The following CACNA2D3 variants were observed in gnomAD, a reference collection of about 807,000 sequenced individuals.
CACNA2D3 encodes voltage-dependent calcium channel subunit alpha-2/delta-3.
CACNA2D3 carries 60 observed loss-of-function variants against 160.6 expected under a neutral mutation model. The ratio of observed to expected loss-of-function variants is 0.37; its 90% confidence interval spans 0.30 to 0.46. The LOEUF is 0.46. Ranked by LOEUF, CACNA2D3 falls within the 20% of genes least tolerant of loss-of-function variation. The pLI is 1.00. For missense variants in CACNA2D3, 1,205 were observed against 1,365.0 expected (o/e 0.88, Z 1.85); for synonymous variants, 558 against 492.9 (o/e 1.13, Z -1.75).
chr3:54,408,192 T>C (rs1386740464), intron 4 of CACNA2D3, among the ~76,000 whole-genome samples: 1 of 152,174 alleles, frequency 6.6e-6, no homozygotes, highest in African/African-American at 2.4e-5. Context: ...TCACAGTGCT[T>C]GACAAGGAGA....
At chr3:54,988,360 C>T (rs1702663306) in intron 31 of CACNA2D3, among the ~76,000 whole-genome samples, 1 of 151,644 alleles carries the variant, frequency 6.6e-6, no homozygotes, top group Non-Finnish European at 1.5e-5. Flanking sequence ...AGAGCAGCTT[C>T]CTTATGGCCC....
At chr3:54,842,064 A>G (rs998582322) in intron 16 of CACNA2D3, among the ~76,000 whole-genome samples, 1 of 152,226 alleles carries the variant, frequency 6.6e-6, no homozygotes, top group South Asian at 2.1e-4. Context: ...GCCAAAAACT[A>G]ATGTTGGACT....
intron 4 of CACNA2D3, among the ~76,000 whole-genome samples, chr3:54,489,477 T>C (rs17054055): frequency 0.01 from 1,588 of 152,334 alleles, 29 homozygotes; most frequent in African/African-American, 0.037. Flanking sequence ...AAGGGTAGTT[T>C]TATACAGTTC....
intron 27 of CACNA2D3, chr3:54,925,198 A>G: frequency 1.9e-6 from 3 of 1,612,046 alleles, no homozygotes; most frequent in Non-Finnish European, 2.5e-6. Flanking sequence ...ATCACACTGG[A>G]AAACAGGAGC....
chr3:54,994,153 A>G (rs1283323173), intron 31 of CACNA2D3, among the ~76,000 whole-genome samples: 3 of 151,964 alleles, frequency 2.0e-5, no homozygotes, highest in Non-Finnish European at 2.9e-5. Flanking sequence ...TGACACATCC[A>G]GGTAGAATCC....
chr3:54,733,177 CT>C (rs1290528700), intron 11 of CACNA2D3, among the ~76,000 whole-genome samples: 3 of 152,204 alleles, frequency 2.0e-5, no homozygotes, highest in African/African-American at 7.2e-5. Flanking sequence ...TATCTCGGGA[CT>C]TTTGTTCTGT....
chr3:54,843,552 C>T (rs975102933), intron 16 of CACNA2D3, among the ~76,000 whole-genome samples: 3 of 152,110 alleles, frequency 2.0e-5, no homozygotes, highest in African/African-American at 7.2e-5. Flanking sequence ...GGGGCCAGAC[C>T]CCAGGGAGAC....
intron 17 of CACNA2D3, among the ~76,000 whole-genome samples, chr3:54,868,769 A>G (rs1699460327): frequency 6.6e-6 from 1 of 152,212 alleles, no homozygotes; most frequent in Non-Finnish European, 1.5e-5. Context: ...GGTGACCAGT[A>G]AAATTATTGA....
chr3:54,737,530 G>T (rs1347379083), intron 11 of CACNA2D3, among the ~76,000 whole-genome samples: 1 of 152,152 alleles, frequency 6.6e-6, no homozygotes, highest in Non-Finnish European at 1.5e-5. Flanking sequence ...GAAGAGGGTG[G>T]TTGGGAATTT....
chr3:54,775,622 G>C (rs1702411681), intron 13 of CACNA2D3, among the ~76,000 whole-genome samples: 1 of 152,178 alleles, frequency 6.6e-6, no homozygotes, highest in Admixed American at 6.5e-5. Flanking sequence ...AGTTAGGAAA[G>C]ATGGCTATGG....
chr3:55,073,193 C>G (rs561149783), intron 35 of CACNA2D3, among the ~76,000 whole-genome samples: 1 of 152,152 alleles, frequency 6.6e-6, no homozygotes, highest in Non-Finnish European at 1.5e-5. Context: ...TTTGTACATA[C>G]AGCACTTCAG....
chr3:54,149,300 T>C (rs868793007), intron 2 of CACNA2D3, among the ~76,000 whole-genome samples: 51 of 88,690 alleles, frequency 5.8e-4, no homozygotes, highest in African/African-American at 1.0e-3. Flanking sequence ...CACACACACA[T>C]ATGTGTGGAG....
At chr3:54,662,320 C>T (rs1030009797) in intron 11 of CACNA2D3, among the ~76,000 whole-genome samples, 44 of 152,134 alleles carry the variant, frequency 2.9e-4, no homozygotes, top group Admixed American at 2.9e-3. Context: ...CCTGGACTCG[C>T]CTACCTGTGA....
chr3:55,007,684 T>G (rs766262952), intron 32 of CACNA2D3, 106 bp from the exon 33 acceptor site: 1 of 698,696 alleles, frequency 1.4e-6, no homozygotes, highest in Non-Finnish European at 2.4e-6. Flanking sequence ...TAACATGATA[T>G]CAATCTCTCT....
At chr3:54,316,862 C>T (rs989942942) in intron 2 of CACNA2D3, among the ~76,000 whole-genome samples, 10 of 152,188 alleles carry the variant, frequency 6.6e-5, no homozygotes, top group African/African-American at 2.2e-4. Context: ...ATACAGGTAA[C>T]AGATATGGCC....
intron 5 of CACNA2D3, among the ~76,000 whole-genome samples, chr3:54,513,533 C>T (rs1701492262): frequency 4.6e-5 from 7 of 152,186 alleles, no homozygotes; most frequent in Admixed American, 4.6e-4. Context: ...CAGAATTACT[C>T]AGCTAGCAAA....
In CACNA2D3 at chr3:54,984,092, C is replaced by A. The variant is rs73845239; in HGVS notation, c.2557-516C>A. On this transcript the variant is annotated intron_variant, in intron 29 of 37. Coordinates refer to ENST00000474759, the MANE Select transcript of CACNA2D3 (RefSeq NM_018398.3). ...CCCCTTTAACAGAAGTCTGCCCCTT[C>A]CCCCCTGCCTCAGTCTATGAACAAA... Among the ~76,000 whole-genome samples, 1,301 of 152,254 alleles carry A rather than the reference C, an allele frequency of 8.5e-3. 22 individuals are homozygous for A. The highest frequency in any genetic ancestry group is 0.03 in the African/African-American group (1,231 of 41,542).
At chr3:54,416,193 C>T (rs1462859893) in intron 4 of CACNA2D3, among the ~76,000 whole-genome samples, 1 of 152,216 alleles carries the variant, frequency 6.6e-6, no homozygotes, top group South Asian at 2.1e-4. Context: ...GTTGTTGACA[C>T]TTGCGTGTTG....
At chr3:54,789,909 C>T (rs1378210190) in intron 13 of CACNA2D3, 4 of 509,472 alleles carry the variant, frequency 7.9e-6, no homozygotes, top group South Asian at 5.7e-5. Flanking sequence ...GGGTCAGAGC[C>T]CATTCCTCTG....
Sources: gnomAD v4.1 joint callset for allele counts (sites outside exome capture counted in the v4.1 genomes callset) on GRCh38, gnomAD v4.1.1 for gene constraint, MANE v1.5 for transcripts, NCBI Gene and HGNC (gene_info 2026-07-23, HGNC 2026-07-21) for gene names.